Variants in ACTR3C observed in about 807,000 individuals in gnomAD.
The protein encoded by ACTR3C is actin related protein 3C.
ACTR3C carries 18 observed loss-of-function variants against 26.3 expected under a neutral mutation model. The observed-to-expected ratio is 0.68, with a 90% CI of 0.47 to 1.01. The LOEUF is 1.01. ACTR3C is among the 50% of genes least tolerant of loss of function. The pLI, the probability that ACTR3C is intolerant of heterozygous loss-of-function variation, is 0.00. For synonymous variants in ACTR3C, 55 were observed against 94.5 expected, an observed-to-expected ratio of 0.58 and a Z score of 2.42; for missense variants, 184 against 250.7, an observed-to-expected ratio of 0.73 and a Z score of 1.80.
At chr7:150,038,730 T>C in the ACTR3C span, among the ~76,000 whole-genome samples, 37 of 136,854 alleles carry the variant, frequency 2.7e-4, 8 homozygotes, top group Non-Finnish European at 5.5e-4. Context: ...CCTAAGGATC[T>C]TAGGAGCAAC....
the ACTR3C span, among the ~76,000 whole-genome samples, chr7:150,012,200 C>G: frequency 6.6e-6 from 1 of 151,792 alleles, no homozygotes; most frequent in Non-Finnish European, 1.5e-5. Context: ...TTTAAAGAAG[C>G]TCTTTTTTTT....
intron 1 of ACTR3C, among the ~76,000 whole-genome samples, chr7:150,321,624 T>TA (rs1233678267): frequency 6.6e-6 from 1 of 152,032 alleles, no homozygotes; most frequent in Non-Finnish European, 1.5e-5. Flanking sequence ...CCTGTAGTCT[T>TA]AGCTACTTGG....
At chr7:150,156,031 A>G in the ACTR3C span, among the ~76,000 whole-genome samples, 1 of 151,842 alleles carries the variant, frequency 6.6e-6, no homozygotes, top group African/African-American at 2.4e-5. Context: ...GGAATTGTGG[A>G]GCATCCTTTA....
the ACTR3C span, among the ~76,000 whole-genome samples, chr7:150,130,735 C>G: frequency 2.6e-5 from 4 of 152,134 alleles, no homozygotes; most frequent in Non-Finnish European, 5.9e-5. Context: ...ACCCAAATGT[C>G]CATCAACTGT....
At chr7:150,103,070 T>A in the ACTR3C span, among the ~76,000 whole-genome samples, 1 of 140,514 alleles carries the variant, frequency 7.1e-6, no homozygotes, top group Non-Finnish European at 1.5e-5. Context: ...CAGGTGTGTG[T>A]GTATGTGTGT....
intron 4 of ACTR3C, among the ~76,000 whole-genome samples, 195 bp from the exon 5 acceptor site, chr7:150,286,735 C>T (rs57746954): frequency 0.16 from 24,107 of 148,872 alleles, 2,653 homozygotes; most frequent in African/African-American, 0.3. Flanking sequence ...ACTTGGACTT[C>T]GGACAGGTAA....
chr7:149,960,296 T>C, the ACTR3C span, among the ~76,000 whole-genome samples: 2 of 151,790 alleles, frequency 1.3e-5, no homozygotes, highest in African/African-American at 2.4e-5. Flanking sequence ...TTTGAAAAGA[T>C]TTTAGGAGTT....
the ACTR3C span, among the ~76,000 whole-genome samples, chr7:150,198,865 T>C: frequency 1.4e-4 from 16 of 116,338 alleles, no homozygotes; most frequent in South Asian, 6.4e-4. Context: ...CGCCTCTGCC[T>C]GGCCGCCCCT....
chr7:150,059,873 C>T, the ACTR3C span, among the ~76,000 whole-genome samples: 1 of 152,130 alleles, frequency 6.6e-6, no homozygotes, highest in Admixed American at 6.5e-5. Context: ...ATGTAGCACG[C>T]AGGCTAAGTG....
the ACTR3C span, among the ~76,000 whole-genome samples, chr7:150,169,768 T>G: frequency 1.3e-5 from 2 of 151,008 alleles, no homozygotes; most frequent in Non-Finnish European, 2.9e-5. Flanking sequence ...TTATGAACTT[T>G]CTTGTTTTAG....
chr7:150,120,015 A>T, the ACTR3C span, among the ~76,000 whole-genome samples: 1 of 152,198 alleles, frequency 6.6e-6, no homozygotes, highest in African/African-American at 2.4e-5. Flanking sequence ...AGGCAGAAAT[A>T]AGTAAGTTCT....
the ACTR3C span, among the ~76,000 whole-genome samples, chr7:150,224,841 C>T: frequency 6.6e-6 from 1 of 152,118 alleles, no homozygotes; most frequent in African/African-American, 2.4e-5. Flanking sequence ...CTCACCCATT[C>T]ATTTATTTAT....
At chr7:150,042,577 G>A in the ACTR3C span, among the ~76,000 whole-genome samples, 19 of 145,354 alleles carry the variant, frequency 1.3e-4, no homozygotes, top group Non-Finnish European at 2.2e-4. Context: ...CCCGCCTCGC[G>A]GGGGGTGCCT....
chr7:150,314,984 T>A (rs1035736801), intron 1 of ACTR3C, among the ~76,000 whole-genome samples: 1 of 147,464 alleles, frequency 6.8e-6, no homozygotes, highest in African/African-American at 2.5e-5. Flanking sequence ...AGTATTATTT[T>A]TAATAATATT....
the ACTR3C span, among the ~76,000 whole-genome samples, chr7:150,033,341 G>T: frequency 6.6e-6 from 1 of 152,200 alleles, no homozygotes; most frequent in Non-Finnish European, 1.5e-5. Flanking sequence ...ATTCTTGGAT[G>T]CTCTAGCTGT....
chr7:149,913,117 A>G, the ACTR3C span, among the ~76,000 whole-genome samples: 168 of 152,266 alleles, frequency 1.1e-3, 2 homozygotes, highest in South Asian at 0.033. Context: ...AATATAACTC[A>G]GTAGATGTCA....
chr7:150,122,457 C>A, the ACTR3C span, among the ~76,000 whole-genome samples: 2 of 152,196 alleles, frequency 1.3e-5, no homozygotes, highest in Non-Finnish European at 2.9e-5. Context: ...CAAATGAAGA[C>A]ATTTATGCAG....
At chr7:149,933,965 C>T in the ACTR3C span, among the ~76,000 whole-genome samples, 3 of 151,542 alleles carry the variant, frequency 2.0e-5, no homozygotes, top group Non-Finnish European at 4.4e-5. Context: ...TAGAGTTCCA[C>T]TCGACCCTAG....
At chr7:150,034,099 G>T in the ACTR3C span, among the ~76,000 whole-genome samples, 3 of 150,986 alleles carry the variant, frequency 2.0e-5, no homozygotes, top group African/African-American at 4.9e-5. Flanking sequence ...CGCGATGCAG[G>T]TCCCAACAAC....
Sources: allele counts gnomAD v4.1 joint callset (sites outside exome capture counted in the v4.1 genomes callset), GRCh38; gene constraint gnomAD v4.1.1; transcripts MANE v1.5; gene names NCBI Gene and HGNC (gene_info 2026-07-23, HGNC 2026-07-21).